Variants in ARHGAP26 observed in about 807,000 individuals in gnomAD.
The protein encoded by ARHGAP26 is rho GTPase-activating protein 26.
ARHGAP26 carries 38 observed loss-of-function variants against 104.8 expected under a neutral mutation model. The ratio of observed to expected loss-of-function variants is 0.36; its 90% CI spans 0.28 to 0.48. The LOEUF is 0.48. ARHGAP26 is among the 20% of genes least tolerant of loss of function. The pLI is 0.99. For missense variants in ARHGAP26, 704 were observed against 947.9 expected, an observed-to-expected ratio of 0.74 and a Z score of 3.38; for synonymous variants, 341 against 340.0, an observed-to-expected ratio of 1.00 and a Z score of -0.03.
intron 17 of ARHGAP26, among the ~76,000 whole-genome samples, chr5:143,085,365 A>T (rs919996206): frequency 6.6e-6 from 1 of 152,008 alleles, no homozygotes; most frequent in Non-Finnish European, 1.5e-5. Flanking sequence ...TAATTTGGGG[A>T]TAGGGGAGGT....
intron 17 of ARHGAP26, among the ~76,000 whole-genome samples, chr5:143,108,638 C>T (rs1794378401): frequency 6.6e-6 from 1 of 152,106 alleles, no homozygotes. Context: ...GGTGAAAGTA[C>T]ATTCCATTTC....
intron 12 of ARHGAP26, among the ~76,000 whole-genome samples, chr5:143,033,284 C>T (rs550703211): frequency 7.9e-5 from 12 of 152,260 alleles, no homozygotes; most frequent in South Asian, 2.1e-4. Context: ...GAATCTCTAA[C>T]GCTGGGAAAA....
chr5:142,981,289 A>T (rs1562199122), intron 11 of ARHGAP26, among the ~76,000 whole-genome samples: 1 of 152,174 alleles, frequency 6.6e-6, no homozygotes, highest in Non-Finnish European at 1.5e-5. Context: ...TAAAATGGGG[A>T]TAATAACAGT....
At chr5:142,925,771 T>C (rs917358330) in intron 10 of ARHGAP26, among the ~76,000 whole-genome samples, 1 of 152,202 alleles carries the variant, frequency 6.6e-6, no homozygotes, top group Non-Finnish European at 1.5e-5. Context: ...GCCTCAGCTC[T>C]TCTACTTTGA....
In ARHGAP26 at chr5:143,131,425, CAG is replaced by C. The variant is rs1186234636; in HGVS notation, c.1699-2539_1699-2538del. 7.9e-5 allele frequency among the ~76,000 whole-genome samples: 12 copies of C among 152,226 alleles called. No homozygotes were observed. In the South Asian group the frequency reaches 2.5e-3, roughly 32 times the overall value. On this transcript the variant is annotated intron_variant, in intron 18 of 22. Transcript: ENST00000645722. ...AAAAAAAGAGACAAAATTTGGAGGC[CAG>C]AGGCAAAGCAGGATGAGAGGGAAAA...
chr5:143,086,130 AT>A lies in ARHGAP26; in HGVS notation c.1538+28384del, dbSNP rs1465519330. Among the ~76,000 whole-genome samples the A allele has an allele frequency of 2.6e-5, 4 of 152,192 alleles. No homozygotes were observed. In the East Asian group the frequency reaches 7.7e-4, roughly 29 times the overall value. On this transcript the variant is annotated intron_variant, in intron 17 of 22. Transcript: ENST00000645722. Reference sequence around the variant, plus strand: ...GAACAGGAGTTGATCAGATCTTGTCATCAGATATGATGATAAGAAAAATGTT... The same window carrying A: ...GAACAGGAGTTGATCAGATCTTGTCACAGATATGATGATAAGAAAAATGTT...
chr5:143,137,550 C>T (rs573212373), intron 19 of ARHGAP26, among the ~76,000 whole-genome samples: 1 of 152,384 alleles, frequency 6.6e-6, no homozygotes, highest in South Asian at 2.1e-4. Context: ...CACATGCGCA[C>T]TCCCGCATAC....
At chr5:143,129,963 C>T (rs1053353059) in intron 18 of ARHGAP26, among the ~76,000 whole-genome samples, 3 of 152,228 alleles carry the variant, frequency 2.0e-5, no homozygotes, top group Non-Finnish European at 4.4e-5. Flanking sequence ...TTGAACCCTA[C>T]TCTGTCTAGC....
At chr5:143,033,536 G>A (rs995313575) in intron 12 of ARHGAP26, among the ~76,000 whole-genome samples, 2 of 152,180 alleles carry the variant, frequency 1.3e-5, no homozygotes, top group African/African-American at 4.8e-5. Flanking sequence ...CACTAATTGG[G>A]CTGATGGCTT....
intron 17 of ARHGAP26, among the ~76,000 whole-genome samples, chr5:143,077,530 G>A (rs1431208246): frequency 6.6e-6 from 1 of 151,984 alleles, no homozygotes; most frequent in Non-Finnish European, 1.5e-5. Flanking sequence ...CCCTAAAAAG[G>A]GCTCTACCAC....
At chr5:143,219,877 C>A (rs9324909) in intron 22 of ARHGAP26, among the ~76,000 whole-genome samples, 57,933 of 152,110 alleles carry the variant, frequency 0.38, 13,786 homozygotes, top group African/African-American at 0.68. Flanking sequence ...CACATGCTTT[C>A]GTATAAATCC....
chr5:142,875,411 C>A (rs571277033), intron 3 of ARHGAP26, among the ~76,000 whole-genome samples: 15 of 152,114 alleles, frequency 9.9e-5, no homozygotes, highest in Non-Finnish European at 2.2e-4. Context: ...ATTTTAAGGT[C>A]TTTTCATAAG....
At chr5:142,904,131 C>T (rs560717128) in intron 8 of ARHGAP26, among the ~76,000 whole-genome samples, 10 of 152,044 alleles carry the variant, frequency 6.6e-5, no homozygotes, top group Non-Finnish European at 1.3e-4. Context: ...TTTTCCTCTT[C>T]TCCTCAACTC....
chr5:142,827,753 T>C (rs1314870773), intron 1 of ARHGAP26, among the ~76,000 whole-genome samples: 1 of 152,028 alleles, frequency 6.6e-6, no homozygotes, highest in African/African-American at 2.4e-5. Flanking sequence ...ATCTCCAAAA[T>C]GAGGAAAAAA....
intron 1 of ARHGAP26, among the ~76,000 whole-genome samples, chr5:142,772,316 A>G (rs1755367988): frequency 6.6e-6 from 1 of 152,234 alleles, no homozygotes; most frequent in Non-Finnish European, 1.5e-5. Flanking sequence ...TACCTGAAAC[A>G]TATGAACAGA....
At chr5:142,803,974 G>A (rs188849006) in intron 1 of ARHGAP26, among the ~76,000 whole-genome samples, 120 of 151,256 alleles carry the variant, frequency 7.9e-4, no homozygotes, top group African/African-American at 2.8e-3. Flanking sequence ...TGCTTTCCAC[G>A]CACTGTCATA....
intron 14 of ARHGAP26, among the ~76,000 whole-genome samples, chr5:143,043,309 T>C (rs1350927885): frequency 6.6e-6 from 1 of 152,240 alleles, no homozygotes; most frequent in Non-Finnish European, 1.5e-5. Context: ...ACAGAACCTT[T>C]TGGGATTGGC....
chr5:143,200,441 A>G (rs1807519582), intron 20 of ARHGAP26, among the ~76,000 whole-genome samples: 1 of 152,234 alleles, frequency 6.6e-6, no homozygotes, highest in African/African-American at 2.4e-5. Flanking sequence ...AATATACACA[A>G]TAAGAAAATG....
intron 4 of ARHGAP26, among the ~76,000 whole-genome samples, chr5:142,883,513 T>C (rs906240540): frequency 1.3e-5 from 2 of 152,272 alleles, no homozygotes; most frequent in African/African-American, 4.8e-5. Context: ...GAAATGAGTA[T>C]GTGTCAGCTA....
Sources: allele counts gnomAD v4.1 joint callset (sites outside exome capture counted in the v4.1 genomes callset), GRCh38; gene constraint gnomAD v4.1.1; transcripts MANE v1.5; gene names NCBI Gene and HGNC (gene_info 2026-07-23, HGNC 2026-07-21).